Variants in MORC3 observed in about 807,000 individuals in gnomAD.
MORC3 encodes MORC family CW-type zinc finger 3.
In MORC3, 31 loss-of-function variants were observed where a neutral mutation model predicts 109.1. The ratio of observed to expected loss-of-function variants is 0.28; its 90% CI spans 0.21 to 0.38. The LOEUF is 0.38. Among genes scored for constraint, MORC3 ranks in the 10% least tolerant of loss-of-function variants. The pLI is 1.00. For synonymous variants in MORC3, 395 were observed against 380.7 expected (o/e 1.04, Z -0.44); for missense variants, 867 against 1,135.8 (o/e 0.76, Z 3.40).
At position 36,369,135 on chromosome 21, in the gene MORC3, A is replaced by G; in HGVS notation, c.1767A>G (p.Ala589=). The change falls in exon 15 of 17, where the codon GCA becomes GCG. Residue 589 remains alanine (A), a synonymous_variant. Coordinates refer to ENST00000400485, the MANE Select transcript of MORC3 (RefSeq NM_015358.3). ...ILEENSTPKP[A]VDHDIDMKSE... ...AAGAAAACAGTACCCCCAAACCTGC[A>G]GTAGATCATGATATTGACATGAAAT... 3 of 1,614,170 alleles carry G rather than the reference A, an allele frequency of 1.9e-6. No homozygotes were observed. Among genetic ancestry groups the G allele is most frequent in the Non-Finnish European group, 2.5e-6 (3 of 1,180,036 alleles).
At chr21:36,358,567 G>A (rs1370709069) in intron 10 of MORC3, among the ~76,000 whole-genome samples, 1 of 151,968 alleles carries the variant, frequency 6.6e-6, no homozygotes, top group East Asian at 1.9e-4. Flanking sequence ...ACCAGGCTGG[G>A]CAACGTGGTG....
chr21:36,363,265 A>C (rs531544063), intron 13 of MORC3, among the ~76,000 whole-genome samples: 1 of 152,222 alleles, frequency 6.6e-6, no homozygotes, highest in South Asian at 2.1e-4. Context: ...CTAAAAATAT[A>C]AAAAATAATG....
intron 1 of MORC3, among the ~76,000 whole-genome samples, chr21:36,329,093 G>C (rs1049661315): frequency 4.6e-5 from 7 of 152,158 alleles, no homozygotes; most frequent in African/African-American, 1.7e-4. Context: ...GGCAGTTCGA[G>C]ACCAGCGTGG....
Position 36,361,894 on chromosome 21 carries a change from T to C in MORC3, c.1407-289T>C. ...ACTCCCTCTCAAAAGAAAAAACCTA[T>C]GTGATGTTCTAGTTCAAAAGCCTGT... On this transcript the variant is annotated intron_variant, in intron 12 of 16. Coordinates refer to ENST00000400485, the MANE Select transcript of MORC3 (RefSeq NM_015358.3). 3 of 395,320 alleles carry C rather than the reference T, an allele frequency of 7.6e-6. No homozygotes were observed. In the South Asian group the frequency reaches 9.1e-5, roughly 12 times the overall value. The allele number at this position is 395,320 out of a possible 1,614,324, so 24.5% of individuals were successfully genotyped here.
intron 14 of MORC3, among the ~76,000 whole-genome samples, chr21:36,366,386 C>G (rs920552598): frequency 6.6e-6 from 1 of 151,724 alleles, no homozygotes; most frequent in African/African-American, 2.4e-5. Flanking sequence ...TTTATGGCTG[C>G]AAAGAAAATT....
chr21:36,367,028 G>A (rs1414291406), intron 14 of MORC3, among the ~76,000 whole-genome samples: 1 of 152,162 alleles, frequency 6.6e-6, no homozygotes, highest in African/African-American at 2.4e-5. Context: ...ACTGCTGAAG[G>A]TGGAAGATAG....
intron 1 of MORC3, among the ~76,000 whole-genome samples, chr21:36,329,981 A>G (rs4817795): frequency 0.15 from 23,018 of 150,932 alleles, 2,764 homozygotes; most frequent in East Asian, 0.57. Context: ...TCCTGCCTCA[A>G]CCTCCCAAGT....
chr21:36,375,333 C>A lies in MORC3; in HGVS notation c.*37C>A. 6.4e-7 allele frequency: 1 copy of A among 1,556,722 alleles called. No individual in the cohort carries two copies. The highest frequency in any genetic ancestry group is 2.3e-5 in the East Asian group (1 of 44,102). On this transcript the variant is annotated 3_prime_UTR_variant, in exon 17 of 17. Coordinates refer to ENST00000400485, the MANE Select transcript of MORC3 (RefSeq NM_015358.3). ...TGTAAGATAAAATATTTGCTCAATT[C>A]TTTTGGTTGTACAGCTTTCAAAATA...
intron 1 of MORC3, among the ~76,000 whole-genome samples, chr21:36,327,222 T>G (rs2085259086): frequency 7.1e-6 from 1 of 141,082 alleles, no homozygotes; most frequent in Non-Finnish European, 1.5e-5. Context: ...TGGTGAGATC[T>G]CTCAGCTCAC....
intron 8 of MORC3, chr21:36,348,244 T>C (rs1216337411): frequency 6.6e-6 from 1 of 152,242 alleles, no homozygotes; most frequent in Admixed American, 6.5e-5. Context: ...TGTTAGCAAC[T>C]GGATACCTAA....
In MORC3 at chr21:36,333,822, G is replaced by A. The variant is rs2085343149; in HGVS notation, c.112+104G>A. On this transcript the variant is annotated intron_variant, in intron 2 of 16. Coordinates refer to ENST00000400485, the MANE Select transcript of MORC3 (RefSeq NM_015358.3). The stretch of plus-strand genomic sequence containing the variant: ...TTTTTAAACAGAGTCTCTCTCTGTC[G>A]CCCAGGCTGGAGTGCAGTGGCGCAG... 18 of 949,500 alleles carry A rather than the reference G, an allele frequency of 1.9e-5. No homozygotes were observed. The South Asian group carries it at 2.0e-4, about 11-fold the overall frequency. 58.8% of individuals were successfully genotyped at this position (949,500 alleles called of 1,614,324 possible). A position where few individuals can be genotyped will look rare whatever the true frequency, so the allele number is the denominator to read the frequency against.
rs557899937 is a variant in MORC3, at chr21:36,369,705, A to T, written c.2337A>T (p.Glu779Asp). 1 of 1,614,210 alleles carries T rather than the reference A, an allele frequency of 6.2e-7. No homozygotes were observed. The highest frequency in any genetic ancestry group is 8.5e-7 in the Non-Finnish European group (1 of 1,180,036). ...CTCAGTATCAGCAAGCTTTGGAAGAAATAGAAAGGCTGAAAAAACAATGTA... is the reference window on the plus strand; with the variant it reads ...CTCAGTATCAGCAAGCTTTGGAAGATATAGAAAGGCTGAAAAAACAATGTA... ...MVSQYQQALE[E>D]IERLKKQCSA... is the part of the protein sequence containing the mutation. The change falls in exon 15 of 17, where the codon GAA (glutamate) becomes GAT (aspartate). Residue 779 changes from glutamate to aspartate, a missense_variant. This residue lies in a region of MORC3 where 486 missense variants were observed against 502.1 expected (regional missense o/e 0.97). Coordinates refer to ENST00000400485, the MANE Select transcript of MORC3 (RefSeq NM_015358.3).
At chr21:36,369,963 A>C in intron 15 of MORC3, 87 bp downstream of exon 15, 159 of 1,473,812 alleles carry the variant, frequency 1.1e-4, no homozygotes, top group Non-Finnish European at 1.3e-4. Context: ...GCGGTGGCTC[A>C]TACCTGTAAT....
intron 2 of MORC3, among the ~76,000 whole-genome samples, chr21:36,335,607 C>G (rs1025035024): frequency 1.3e-5 from 2 of 152,066 alleles, no homozygotes. Context: ...TGAGCCGCTG[C>G]GCCCAGCCCT....
chr21:36,367,209 T>C (rs1425442894), intron 14 of MORC3, among the ~76,000 whole-genome samples: 1 of 152,226 alleles, frequency 6.6e-6, no homozygotes, highest in African/African-American at 2.4e-5. Context: ...TGAAACAGAA[T>C]GAGTAAGGGA....
chr21:36,362,284 C>T (rs533174537), intron 13 of MORC3, 56 bp downstream of exon 13: 40 of 1,538,054 alleles, frequency 2.6e-5, no homozygotes, highest in Admixed American at 2.4e-4. Context: ...GGCTGACACC[C>T]GTAATCCCAG....
At chr21:36,339,949 A>G (rs959984015) in intron 5 of MORC3, among the ~76,000 whole-genome samples, 2 of 152,180 alleles carry the variant, frequency 1.3e-5, no homozygotes, top group Non-Finnish European at 2.9e-5. Flanking sequence ...TGTTAGGTAC[A>G]CTTCATTCAG....
In MORC3 at chr21:36,334,427, TTA is replaced by T. The variant is rs1301391268; in HGVS notation, c.112+711_112+712del. ...TGAAGTGTTTATATTGAAAATATTT[TTA>T]TTTTTATTATAAAAGTAAACAGTGA... On this transcript the variant is annotated intron_variant, in intron 2 of 16. Transcript: ENST00000400485. Among the ~76,000 whole-genome samples, 4 of 152,200 alleles carry T rather than the reference TTA, an allele frequency of 2.6e-5. No homozygotes were observed. In the East Asian group the frequency reaches 7.7e-4, roughly 29 times the overall value.
At chr21:36,345,235 C>T (rs2085494848) in intron 8 of MORC3, among the ~76,000 whole-genome samples, 1 of 143,372 alleles carries the variant, frequency 7.0e-6, no homozygotes, top group African/African-American at 2.5e-5. Flanking sequence ...CCCTGCCCTG[C>T]CCTCTCCTTT....
Sources: gnomAD v4.1 joint callset for allele counts (sites outside exome capture counted in the v4.1 genomes callset) on GRCh38, gnomAD v4.1.1 for gene constraint, gnomAD v4.1.1 regional missense constraint, MANE v1.5 for transcripts, NCBI Gene and HGNC (gene_info 2026-07-23, HGNC 2026-07-21) for gene names.